The following ASZ1 variants were observed in gnomAD, a reference collection of about 807,000 sequenced individuals.
ASZ1 encodes the protein ankyrin repeat, SAM and basic leucine zipper domain-containing protein 1.
Under a neutral mutation model 61.8 loss-of-function variants are expected in ASZ1, and 67 were observed. The ratio of observed to expected loss-of-function variants is 1.08; its 90% CI spans 0.89 to 1.33. The LOEUF is 1.33. Among genes scored for constraint, ASZ1 ranks in the 40% most tolerant of loss-of-function variants. The pLI is 0.00. For synonymous variants in ASZ1, 193 were observed against 192.7 expected, an observed-to-expected ratio of 1.00 and a Z score of -0.01; for missense variants, 577 against 554.5, an observed-to-expected ratio of 1.04 and a Z score of -0.41.
intron 4 of ASZ1, 27 bp downstream of exon 4, chr7:117,420,136 A>C: frequency 1.3e-6 from 2 of 1,535,438 alleles, no homozygotes; most frequent in Non-Finnish European, 1.8e-6. Flanking sequence ...TTTGACTTGA[A>C]TTTTGAACAG....
chr7:117,386,103 C>A (rs1032653905), intron 4 of ASZ1, among the ~76,000 whole-genome samples: 1 of 152,112 alleles, frequency 6.6e-6, no homozygotes, highest in Non-Finnish European at 1.5e-5. Context: ...TATACATATT[C>A]ATCTAGAAAA....
At chr7:117,393,177 G>A (rs1306825556) in intron 4 of ASZ1, among the ~76,000 whole-genome samples, 3 of 151,880 alleles carry the variant, frequency 2.0e-5, no homozygotes, top group African/African-American at 7.3e-5. Flanking sequence ...ATTCTTAAAA[G>A]ACTTTCTTTG....
At chr7:117,411,339 T>A (rs1415220601) in intron 4 of ASZ1, among the ~76,000 whole-genome samples, 3 of 151,796 alleles carry the variant, frequency 2.0e-5, no homozygotes, top group African/African-American at 7.2e-5. Context: ...TTTAAAATGA[T>A]AATGGGGCAA....
chr7:117,387,506 C>T (rs1020410290), intron 4 of ASZ1, among the ~76,000 whole-genome samples: 2 of 152,150 alleles, frequency 1.3e-5, no homozygotes, highest in Non-Finnish European at 2.9e-5. Flanking sequence ...TCCTCTCAGT[C>T]TTCCCTATTT....
At chr7:117,380,917 T>C in intron 9 of ASZ1, 94 bp downstream of exon 9, 1 of 1,096,754 alleles carries the variant, frequency 9.1e-7, no homozygotes, top group Non-Finnish European at 1.4e-6. Flanking sequence ...ATCTTTTGTC[T>C]ATAGCCCTGG....
chr7:117,398,840 C>T (rs1796622682), intron 4 of ASZ1, among the ~76,000 whole-genome samples: 3 of 152,130 alleles, frequency 2.0e-5, no homozygotes, highest in Admixed American at 2.0e-4. Flanking sequence ...ATGAAACAGG[C>T]TCTTTCCTCC....
chr7:117,398,983 T>C lies in ASZ1; in HGVS notation c.441-13174A>G, dbSNP rs1350180260. Among the ~76,000 whole-genome samples, 5 of 152,144 alleles carry C rather than the reference T, an allele frequency of 3.3e-5. No homozygotes were observed. In the South Asian group the frequency reaches 1.0e-3, roughly 32 times the overall value. On this transcript the variant is annotated intron_variant, in intron 4 of 12. Coordinates refer to ENST00000284629, the MANE Select transcript of ASZ1 (RefSeq NM_130768.3). ...GTGGCTCAAACCTGTAGTATCAGCATTTTGGGAGGTCAAGGCAGGAGGATC... is the reference window on the plus strand; with the variant it reads ...GTGGCTCAAACCTGTAGTATCAGCACTTTGGGAGGTCAAGGCAGGAGGATC...
At chr7:117,383,895 C>CTA (rs1435030926) in intron 6 of ASZ1, among the ~76,000 whole-genome samples, 1 of 151,888 alleles carries the variant, frequency 6.6e-6, no homozygotes, top group Non-Finnish European at 1.5e-5. Flanking sequence ...ACTGTTTATC[C>CTA]TATAAAAATT....
At chr7:117,364,537 A>G (rs998196945) in intron 12 of ASZ1, among the ~76,000 whole-genome samples, 22 of 152,088 alleles carry the variant, frequency 1.4e-4, no homozygotes, top group African/African-American at 5.3e-4. Context: ...GAAAATAAGC[A>G]GAAACCAAAG....
rs1426672568 is a variant in ASZ1, at chr7:117,367,349, T to C, written c.1275+3A>G. 5 of 1,517,072 alleles carry C rather than the reference T, an allele frequency of 3.3e-6. No individual in the cohort carries two copies. Among genetic ancestry groups the C allele is most frequent in the South Asian group, 1.3e-5 (1 of 74,252 alleles). The allele number at this position is 1,517,072 out of a possible 1,614,324, so 94.0% of individuals were successfully genotyped here. On this transcript the variant is annotated splice_donor_region_variant and intron_variant, in intron 12 of 12. Transcript: ENST00000284629. The stretch of plus-strand genomic sequence containing the variant: ...TCCCCTCCTTTTAATGTTAAATATA[T>C]ACCTTTTGAATTAGGTCTTTTAGTT...
chr7:117,399,566 T>A (rs1231460224), intron 4 of ASZ1, among the ~76,000 whole-genome samples: 1 of 152,182 alleles, frequency 6.6e-6, no homozygotes, highest in Non-Finnish European at 1.5e-5. Flanking sequence ...TGACATTAAG[T>A]GATTTTTTTT....
chr7:117,389,754 C>A (rs1796427307), intron 4 of ASZ1, among the ~76,000 whole-genome samples: 1 of 152,204 alleles, frequency 6.6e-6, no homozygotes, highest in Non-Finnish European at 1.5e-5. Context: ...CTTCATTTAG[C>A]CCAAAAAGTT....
intron 4 of ASZ1, among the ~76,000 whole-genome samples, chr7:117,391,862 G>A (rs982641114): frequency 5.9e-5 from 9 of 151,832 alleles, no homozygotes; most frequent in Non-Finnish European, 5.9e-5. Flanking sequence ...GCATGATCTC[G>A]GGTCAATGCA....
chr7:117,420,238 T>G lies in ASZ1; in HGVS notation c.365A>C (p.His122Pro), dbSNP rs368811857. ...CTTCAAGATCTGTTCCTCTGAGCCA[T>G]GAGCAGAACATGCAGTTATCAAAAT... ...QSILITACSAHGSEEQILKCV... is the reference protein window; with the variant it reads ...QSILITACSAPGSEEQILKCV... The change falls in exon 4 of 13, where the codon CAT becomes CCT. Residue 122 changes from histidine to proline, a missense_variant. Coordinates refer to ENST00000284629, the MANE Select transcript of ASZ1 (RefSeq NM_130768.3). 5 of 1,612,816 alleles carry G rather than the reference T, an allele frequency of 3.1e-6. No individual in the cohort carries two copies. The highest frequency in any genetic ancestry group is 4.2e-6 in the Non-Finnish European group (5 of 1,179,720).
intron 2 of ASZ1, among the ~76,000 whole-genome samples, chr7:117,423,122 A>G (rs1797128930): frequency 1.3e-5 from 2 of 152,216 alleles, no homozygotes; most frequent in African/African-American, 2.4e-5. Context: ...AACAAATTAA[A>G]AATGACTATC....
At chr7:117,402,994 T>C (rs928547318) in intron 4 of ASZ1, among the ~76,000 whole-genome samples, 17 of 152,046 alleles carry the variant, frequency 1.1e-4, no homozygotes, top group Non-Finnish European at 2.2e-4. Context: ...ATGGAAAACA[T>C]GTACCCTCTC....
Position 117,415,067 on chromosome 7 carries a change from C to T in ASZ1, c.440+5096G>A, listed in dbSNP as rs550498408. Among the ~76,000 whole-genome samples, 4 of 152,318 alleles carry T rather than the reference C, an allele frequency of 2.6e-5. No homozygotes were observed. The South Asian group carries it at 6.2e-4, about 24-fold the overall frequency. ...TCTAGATCCTTGAGGAATCGCCACA[C>T]TGTCCTCCACAATGATTGAACTAAT... On this transcript the variant is annotated intron_variant, in intron 4 of 12. Transcript: ENST00000284629.
chr7:117,415,881 A>G (rs1362702781), intron 4 of ASZ1, among the ~76,000 whole-genome samples: 1 of 152,220 alleles, frequency 6.6e-6, no homozygotes, highest in Non-Finnish European at 1.5e-5. Flanking sequence ...TTCTCAATAA[A>G]CAATTCAGTA....
Position 117,391,431 on chromosome 7 carries a change from G to A in ASZ1, c.441-5622C>T, listed in dbSNP as rs149613776. 1.9e-3 allele frequency among the ~76,000 whole-genome samples: 291 copies of A among 152,234 alleles called. 4 individuals are homozygous for A. Among genetic ancestry groups the A allele is most frequent in the Admixed American group, 0.013 (205 of 15,292 alleles). On this transcript the variant is annotated intron_variant, in intron 4 of 12. Coordinates refer to ENST00000284629, the MANE Select transcript of ASZ1 (RefSeq NM_130768.3). ...TAGTTTTTCTTCTAGGATTTTTGTA[G>A]TTTGAAATCTTGCATTTAAGTCTTT... is the stretch of plus-strand genomic sequence containing the variant.
Sources: allele counts gnomAD v4.1 joint callset (sites outside exome capture counted in the v4.1 genomes callset), GRCh38; gene constraint gnomAD v4.1.1; transcripts MANE v1.5; gene names NCBI Gene and HGNC (gene_info 2026-07-23, HGNC 2026-07-21).